The following ZNF92 variants were observed in gnomAD, a reference collection of about 807,000 sequenced individuals.
ZNF92 encodes the protein zinc finger protein 92.
Under a neutral mutation model 12.4 loss-of-function variants are expected in ZNF92, and 11 were observed. That is an observed-to-expected ratio of 0.89 (90% confidence interval 0.56 to 1.47). The LOEUF is 1.47. ZNF92 is among the 40% of genes most tolerant of loss of function. The pLI is 0.00. For missense variants in ZNF92, 622 were observed against 681.0 expected (o/e 0.91, Z 0.96); for synonymous variants, 206 against 228.6 (o/e 0.90, Z 0.89).
At chr7:65,385,043 C>T (rs183617612) in intron 1 of ZNF92, among the ~76,000 whole-genome samples, 2 of 152,174 alleles carry the variant, frequency 1.3e-5, no homozygotes, top group African/African-American at 2.4e-5. Context: ...TTTATTTGTA[C>T]CAGAAGTATT....
chr7:65,390,503 G>C (rs1793684104), intron 3 of ZNF92, among the ~76,000 whole-genome samples: 1 of 152,122 alleles, frequency 6.6e-6, no homozygotes, highest in Non-Finnish European at 1.5e-5. Context: ...TTGGTCACAA[G>C]GCTGCTGGGT....
chr7:65,381,979 C>T (rs993554973), intron 1 of ZNF92, among the ~76,000 whole-genome samples: 2 of 152,090 alleles, frequency 1.3e-5, no homozygotes, highest in South Asian at 2.1e-4. Context: ...AAAAAGAGAG[C>T]ACTATATTCA....
At chr7:65,374,246 TG>T (rs1448394644) in intron 1 of ZNF92, among the ~76,000 whole-genome samples, 3 of 152,128 alleles carry the variant, frequency 2.0e-5, no homozygotes. Context: ...GAGCCCTCCC[TG>T]GGCAGCTCTG....
intron 1 of ZNF92, among the ~76,000 whole-genome samples, chr7:65,387,380 A>G (rs1793598009): frequency 6.6e-6 from 1 of 152,100 alleles, no homozygotes; most frequent in Non-Finnish European, 1.5e-5. Context: ...TGGGTCAGAA[A>G]AACTGGGAAA....
intron 3 of ZNF92, among the ~76,000 whole-genome samples, chr7:65,395,127 C>T (rs1479794761): frequency 6.6e-6 from 1 of 152,030 alleles, no homozygotes; most frequent in African/African-American, 2.4e-5. Flanking sequence ...ATAATTTTGT[C>T]TCACTGCAGC....
At chr7:65,388,934 A>T (rs1793640921) in intron 3 of ZNF92, 33 bp downstream of exon 3, 1 of 1,520,366 alleles carries the variant, frequency 6.6e-7, no homozygotes, top group Non-Finnish European at 8.9e-7. Context: ...GACAACACAA[A>T]TGAGAGGTCC....
chr7:65,378,876 A>G (rs1793327457), intron 1 of ZNF92, among the ~76,000 whole-genome samples: 1 of 152,206 alleles, frequency 6.6e-6, no homozygotes, highest in Non-Finnish European at 1.5e-5. Flanking sequence ...CTAAGTCATA[A>G]TGGTAAGAGT....
At chr7:65,382,190 T>C (rs11978616) in intron 1 of ZNF92, among the ~76,000 whole-genome samples, 16,390 of 152,072 alleles carry the variant, frequency 0.11, 1,100 homozygotes, top group South Asian at 0.17. Flanking sequence ...CTTCTACTTA[T>C]GGACTAATTA....
At position 65,399,939 on chromosome 7, in the gene ZNF92, T is replaced by C; in HGVS notation, c.*64T>C. On this transcript the variant is annotated 3_prime_UTR_variant, in exon 4 of 4. Coordinates refer to ENST00000328747, the MANE Select transcript of ZNF92 (RefSeq NM_152626.4). ...CTAAACATAAACCATATTGGTGCCC[T>C]AGAAATGTGAGGAATATGACAAGGA... 7.3e-7 allele frequency: 1 copy of C among 1,375,746 alleles called. No individual in the cohort carries two copies. The highest frequency in any genetic ancestry group is 9.8e-7 in the Non-Finnish European group (1 of 1,016,994). The allele number at this position is 1,375,746 out of a possible 1,614,324, so 85.2% of individuals were successfully genotyped here. A position where few individuals can be genotyped will look rare whatever the true frequency, so the allele number is the denominator to read the frequency against.
At chr7:65,388,615 G>A (rs1191044956) in intron 2 of ZNF92, among the ~76,000 whole-genome samples, 191 bp from the exon 3 acceptor site, 1 of 151,096 alleles carries the variant, frequency 6.6e-6, no homozygotes, top group Non-Finnish European at 1.5e-5. Context: ...TCCAGCCTGG[G>A]TGACAGAGTG....
rs767933202 is a variant in ZNF92 at position 65,398,464 on chromosome 7, A to G, written c.350A>G (p.His117Arg). The G allele has an allele frequency of 5.6e-6, 9 of 1,613,368 alleles. No individual in the cohort carries two copies. Among genetic ancestry groups the G allele is most frequent in the Admixed American group, 3.3e-5 (2 of 59,844 alleles). Reference protein sequence around the residue: ...GHENLQLRKDHKSVDACKVYK... With the variant: ...GHENLQLRKDRKSVDACKVYK... Reference sequence around the variant, plus strand: ...GAGAATTTACAGCTAAGAAAAGACCATAAAAGTGTGGATGCATGTAAGGTG... The same window carrying G: ...GAGAATTTACAGCTAAGAAAAGACCGTAAAAGTGTGGATGCATGTAAGGTG... Residue 117 changes from histidine (H) to arginine (R), a missense_variant, in exon 4 of 4, where the codon CAT becomes CGT. Physicochemically the swap from His to Arg is conservative, Grantham distance 29 (BLOSUM62 0). Transcript: ENST00000328747.
intron 3 of ZNF92, among the ~76,000 whole-genome samples, chr7:65,392,622 CG>C (rs1404309993): frequency 2.0e-5 from 3 of 151,514 alleles, no homozygotes; most frequent in Admixed American, 6.6e-5. Flanking sequence ...CCGTAACCTC[CG>C]CCTCCTGAGT....
At chr7:65,383,925 T>G (rs566245788) in intron 1 of ZNF92, among the ~76,000 whole-genome samples, 1 of 152,198 alleles carries the variant, frequency 6.6e-6, no homozygotes, top group East Asian at 1.9e-4. Flanking sequence ...TAAAACTGTG[T>G]TAGGCTGACA....
intron 3 of ZNF92, among the ~76,000 whole-genome samples, chr7:65,397,590 G>C (rs953888625): frequency 4.0e-5 from 6 of 151,488 alleles, no homozygotes; most frequent in African/African-American, 1.2e-4. Flanking sequence ...ATTGAGATTT[G>C]GACATTAAAA....
chr7:65,377,608 T>A (rs1447074397), intron 1 of ZNF92, among the ~76,000 whole-genome samples: 5 of 82,932 alleles, frequency 6.0e-5, no homozygotes, highest in Non-Finnish European at 1.0e-4. Context: ...ACTGGCGCGA[T>A]CTAGACTCAC....
At chr7:65,382,282 A>T (rs1022112327) in intron 1 of ZNF92, among the ~76,000 whole-genome samples, 6 of 151,984 alleles carry the variant, frequency 3.9e-5, no homozygotes, top group African/African-American at 1.5e-4. Context: ...GTAATAAAAC[A>T]GTTTTCTTTC....
chr7:65,379,420 G>A (rs866425828), intron 1 of ZNF92, among the ~76,000 whole-genome samples: 4 of 152,110 alleles, frequency 2.6e-5, no homozygotes, highest in Non-Finnish European at 5.9e-5. Context: ...TACACAGGCT[G>A]TCACACTGCC....
Position 65,393,375 on chromosome 7 carries a change from G to T in ZNF92, c.226+4474G>T, listed in dbSNP as rs978488574. Among the ~76,000 whole-genome samples, 8 of 149,494 alleles carry T rather than the reference G, an allele frequency of 5.4e-5. 1 individual carries two copies. The highest frequency in any genetic ancestry group is 1.2e-4 in the Non-Finnish European group (8 of 67,202). On this transcript the variant is annotated intron_variant, in intron 3 of 3. Transcript: ENST00000328747. The stretch of plus-strand genomic sequence containing the variant: ...GGCTGAAAAATATTCCACTGTATTT[G>T]TATGTTATATTTTTTGATGTGTTTA...
At chr7:65,380,744 G>A (rs1008886418) in intron 1 of ZNF92, among the ~76,000 whole-genome samples, 7 of 152,180 alleles carry the variant, frequency 4.6e-5, no homozygotes, top group African/African-American at 1.7e-4. Flanking sequence ...TGGTAATTCT[G>A]TTTTTAGTTT....
Sources: gnomAD v4.1 joint callset for allele counts (sites outside exome capture counted in the v4.1 genomes callset) on GRCh38, gnomAD v4.1.1 for gene constraint, MANE v1.5 for transcripts, NCBI Gene and HGNC (gene_info 2026-07-23, HGNC 2026-07-21) for gene names.